CDH7: variants seen among roughly 807,000 people sequenced by gnomAD.
CDH7 encodes the protein cadherin 7.
In CDH7, 25 loss-of-function variants were observed where a neutral mutation model predicts 71.8. The ratio of observed to expected loss-of-function variants is 0.35; its 90% confidence interval spans 0.25 to 0.49. CDH7 has a LOEUF of 0.49. Among genes scored for constraint, CDH7 ranks in the 20% least tolerant of loss-of-function variants. CDH7 has a pLI of 0.99. For missense variants in CDH7, 862 were observed against 974.6 expected (o/e 0.88, Z 1.54); for synonymous variants, 381 against 363.8 (o/e 1.05, Z -0.54).
At position 65,796,225 on chromosome 18, in the gene CDH7, A is replaced by G. The variant is rs944582951; in HGVS notation, c.211-13479A>G. On this transcript the variant is annotated intron_variant, in intron 2 of 11. Transcript: ENST00000397968. ...AGCTAGTATACACAAGAAAACACAG[A>G]TCGTCACTCCCAAGCATCTGGAAAT... 8.5e-5 allele frequency among the ~76,000 whole-genome samples: 13 copies of G among 152,234 alleles called. No individual in the cohort carries two copies. In the South Asian group the frequency reaches 2.7e-3, roughly 32 times the overall value.
intron 2 of CDH7, among the ~76,000 whole-genome samples, chr18:65,785,705 G>A (rs1910488972): frequency 6.6e-6 from 1 of 151,956 alleles, no homozygotes; most frequent in Admixed American, 6.6e-5. Context: ...TGAGTTCATT[G>A]TATACATTAT....
intron 7 of CDH7, among the ~76,000 whole-genome samples, chr18:65,852,423 AG>A (rs1913183133): frequency 6.6e-6 from 1 of 152,178 alleles, no homozygotes; most frequent in African/African-American, 2.4e-5. Flanking sequence ...TATGCTTTCA[AG>A]GACTGACACC....
intron 6 of CDH7, among the ~76,000 whole-genome samples, chr18:65,832,794 A>T (rs1912397499): frequency 6.6e-6 from 1 of 152,016 alleles, no homozygotes; most frequent in Admixed American, 6.6e-5. Context: ...TAGGCACTTT[A>T]GTCTTTTTTA....
At chr18:65,859,873 C>A in intron 10 of CDH7, 48 bp downstream of exon 10, 2 of 1,094,328 alleles carry the variant, frequency 1.8e-6, no homozygotes, top group Non-Finnish European at 2.8e-6. Context: ...TACAGATACT[C>A]TAAGCAAGTA....
intron 11 of CDH7, among the ~76,000 whole-genome samples, chr18:65,866,573 C>T (rs929883992): frequency 5.3e-5 from 8 of 151,960 alleles, no homozygotes; most frequent in African/African-American, 1.9e-4. Context: ...AGGGTAAGTT[C>T]GAGGGTTTGT....
At chr18:65,830,428 T>G (rs1912294873) in intron 6 of CDH7, among the ~76,000 whole-genome samples, 1 of 152,288 alleles carries the variant, frequency 6.6e-6, no homozygotes, top group Admixed American at 6.5e-5. Context: ...ATTTCAAGTC[T>G]TTCACTTCTT....
chr18:65,862,204 T>A (rs572192523), intron 10 of CDH7, among the ~76,000 whole-genome samples: 1 of 152,112 alleles, frequency 6.6e-6, no homozygotes, highest in East Asian at 1.9e-4. Context: ...CTAAAGTAGC[T>A]GATTTTACCC....
At chr18:65,846,667 T>C (rs1912945725) in intron 7 of CDH7, among the ~76,000 whole-genome samples, 1 of 152,166 alleles carries the variant, frequency 6.6e-6, no homozygotes, top group Non-Finnish European at 1.5e-5. Flanking sequence ...ATTTGTTGCA[T>C]ATGCATTACT....
intron 2 of CDH7, among the ~76,000 whole-genome samples, chr18:65,775,764 A>G (rs28647411): frequency 0.034 from 5,219 of 152,232 alleles, 253 homozygotes; most frequent in African/African-American, 0.11. Flanking sequence ...CTTGAGTTGG[A>G]CAAGTATGGT....
At chr18:65,799,023 A>G (rs1274170417) in intron 2 of CDH7, among the ~76,000 whole-genome samples, 3 of 152,046 alleles carry the variant, frequency 2.0e-5, no homozygotes, top group African/African-American at 7.2e-5. Context: ...TCACAAGAAG[A>G]TTAGGAATCT....
intron 1 of CDH7, among the ~76,000 whole-genome samples, chr18:65,756,279 G>A (rs1207137512): frequency 1.3e-5 from 2 of 152,088 alleles, no homozygotes; most frequent in Admixed American, 6.5e-5. Flanking sequence ...ATGTTTCATA[G>A]GTCAGCCAAC....
chr18:65,869,937 C>G (rs1913879223), intron 11 of CDH7, among the ~76,000 whole-genome samples: 1 of 151,978 alleles, frequency 6.6e-6, no homozygotes, highest in South Asian at 2.1e-4. Context: ...TTCTATTTCC[C>G]AAGACGCTAT....
At chr18:65,779,302 A>ATTT (rs34492758) in intron 2 of CDH7, among the ~76,000 whole-genome samples, 2 of 93,082 alleles carry the variant, frequency 2.1e-5, no homozygotes, top group African/African-American at 1.1e-4. Context: ...AGCTGTGTGA[A>ATTT]TTTTTTTTTT....
intron 10 of CDH7, among the ~76,000 whole-genome samples, chr18:65,860,727 T>C (rs1270285349): frequency 1.3e-5 from 2 of 152,150 alleles, no homozygotes; most frequent in Non-Finnish European, 2.9e-5. Context: ...TGCTAGTCAT[T>C]ACTGGCTTGT....
rs1914253910 is a variant in CDH7 at position 65,882,292 on chromosome 18, A to G, written c.*1398A>G. The G allele has an allele frequency of 6.6e-6, 1 of 152,128 alleles. No homozygotes were observed. The allele number at this position is 152,128 out of a possible 1,614,324, so 9.4% of individuals were successfully genotyped here. A position where few individuals can be genotyped will look rare whatever the true frequency, so the allele number is the denominator to read the frequency against. On this transcript the variant is annotated 3_prime_UTR_variant, in exon 12 of 12. Transcript: ENST00000397968. The stretch of plus-strand genomic sequence containing the variant: ...TGTTAGAGTATGACTTTCATGACCA[A>G]AATGATGTTTCTACCTATTATTTTT...
intron 11 of CDH7, among the ~76,000 whole-genome samples, chr18:65,874,527 G>T (rs1178357106): frequency 6.6e-6 from 1 of 152,090 alleles, no homozygotes; most frequent in Non-Finnish European, 1.5e-5. Flanking sequence ...AAAGGTGGGA[G>T]AGTTGACGGG....
chr18:65,777,994 C>T (rs908736994), intron 2 of CDH7, among the ~76,000 whole-genome samples: 3 of 152,024 alleles, frequency 2.0e-5, no homozygotes, highest in South Asian at 2.1e-4. Context: ...TAGTGCCAGC[C>T]GGGCGTGGTG....
chr18:65,791,998 T>C (rs1199206415), intron 2 of CDH7, among the ~76,000 whole-genome samples: 2 of 152,194 alleles, frequency 1.3e-5, no homozygotes, highest in East Asian at 3.9e-4. Flanking sequence ...CTCTGCTTAG[T>C]ACGCTAATGT....
At chr18:65,848,970 T>TAAAAAATACACACTGAA (rs1913033046) in intron 7 of CDH7, among the ~76,000 whole-genome samples, 2 of 152,174 alleles carry the variant, frequency 1.3e-5, no homozygotes, top group Non-Finnish European at 2.9e-5. Flanking sequence ...GTGTGTATTT[T>TAAAAAATACACACTGAA]TTAAGTAGCT....
Sources: gnomAD v4.1 joint callset for allele counts (sites outside exome capture counted in the v4.1 genomes callset) on GRCh38, gnomAD v4.1.1 for gene constraint, MANE v1.5 for transcripts, NCBI Gene and HGNC (gene_info 2026-07-23, HGNC 2026-07-21) for gene names.